Variants in ATF7IP observed in about 807,000 individuals in gnomAD.
ATF7IP encodes the protein activating transcription factor 7 interacting protein.
A neutral mutation model predicts 106.4 loss-of-function variants in ATF7IP; 23 were observed. The ratio of observed to expected loss-of-function variants is 0.22; its 90% confidence interval spans 0.16 to 0.31. The LOEUF (loss-of-function observed/expected upper bound fraction) is 0.31. Ranked by LOEUF, ATF7IP falls within the 10% of genes least tolerant of loss-of-function variation. The pLI, the probability that ATF7IP is intolerant of heterozygous loss-of-function variation, is 1.00. For missense variants in ATF7IP, 1,334 were observed against 1,524.3 expected, an observed-to-expected ratio of 0.88 and a Z score of 2.08; for synonymous variants, 542 against 539.0, an observed-to-expected ratio of 1.01 and a Z score of -0.08.
rs774944873 is a variant in ATF7IP at position 14,424,579 on chromosome 12, G to T, written c.664G>T (p.Gly222Cys). 2.4e-5 allele frequency: 38 copies of T among 1,613,972 alleles called. No individual in the cohort carries two copies. The highest frequency in any genetic ancestry group is 3.1e-5 in the Non-Finnish European group (37 of 1,180,028). Reference sequence around the variant, plus strand: ...ACCGGTCCCTGTTGAACCCATTTCTGGTGATTGTGCCGCTGATGATATAGC... The same window carrying T: ...ACCGGTCCCTGTTGAACCCATTTCTTGTGATTGTGCCGCTGATGATATAGC... ...GEPVPVEPIS[G>C]DCAADDIASS... Residue 222 changes from glycine to cysteine, a missense_variant, in exon 2 of 15, where the codon GGT becomes TGT. This residue lies in a region of ATF7IP where 438 missense variants were observed against 405.3 expected (regional missense o/e 1.08). Coordinates refer to ENST00000261168, the MANE Select transcript of ATF7IP (RefSeq NM_018179.5).
chr12:14,481,279 A>T (rs1446931389), intron 13 of ATF7IP, 94 bp downstream of exon 13: 6 of 1,150,372 alleles, frequency 5.2e-6, no homozygotes, highest in African/African-American at 1.5e-5. Context: ...ATTTTGCAAA[A>T]ATTTCTTATA....
In ATF7IP at chr12:14,374,578, A is replaced by C. The variant is rs112241639; in HGVS notation, c.-8+8751A>C. ...CAATATATATTTTTGTAGGGTACAG[A>C]AAGTGGTGAGAGTGTTGGAAGGAGA... On this transcript the variant is annotated intron_variant, in intron 1 of 14. Transcript: ENST00000261168. Among the ~76,000 whole-genome samples, 1,464 of 152,306 alleles carry C rather than the reference A, an allele frequency of 9.6e-3. 5 individuals carry two copies. The highest frequency in any genetic ancestry group is 0.019 in the African/African-American group (784 of 41,562).
At chr12:14,388,293 G>GC (rs1939355569) in intron 1 of ATF7IP, among the ~76,000 whole-genome samples, 1 of 151,330 alleles carries the variant, frequency 6.6e-6, no homozygotes, top group South Asian at 2.1e-4. Flanking sequence ...CAGGTGATCT[G>GC]CCCGCCTTGG....
At position 14,466,578 on chromosome 12, in the gene ATF7IP, T is replaced by C; in HGVS notation, c.2850T>C (p.Asp950=). 1.2e-6 allele frequency: 2 copies of C among 1,604,546 alleles called. No individual in the cohort carries two copies. The highest frequency in any genetic ancestry group is 1.7e-6 in the Non-Finnish European group (2 of 1,176,694). Residue 950 remains aspartate (D), a synonymous_variant, in exon 10 of 15, where the codon GAT becomes GAC. Coordinates refer to ENST00000261168, the MANE Select transcript of ATF7IP (RefSeq NM_018179.5). ...CTTCTGTCAGTAAGAAAGCAGCTGA[T>C]AGCACATCACAGGTAAGATTTTTCC... ...IDASVSKKAA[D]STSQCGKATG... is the part of the protein sequence containing the mutation.
At chr12:14,437,647 A>C (rs1942465933) in intron 4 of ATF7IP, among the ~76,000 whole-genome samples, 1 of 152,204 alleles carries the variant, frequency 6.6e-6, no homozygotes, top group South Asian at 2.1e-4. Flanking sequence ...ACCCTCTTGA[A>C]GTAGATTTTA....
chr12:14,434,265 TA>T (rs1565508430), intron 2 of ATF7IP, 71 bp from the exon 3 acceptor site: 1 of 972,574 alleles, frequency 1.0e-6, no homozygotes, highest in Non-Finnish European at 1.6e-6. Flanking sequence ...GGATAGTGAC[TA>T]AAAATGTAAA....
At chr12:14,419,890 A>C (rs1466456341) in intron 1 of ATF7IP, 1 of 152,170 alleles carries the variant, frequency 6.6e-6, no homozygotes, top group African/African-American at 2.4e-5. Context: ...TAGAATAAGA[A>C]ATATGTTCTA....
Position 14,501,157 on chromosome 12 carries a change from C to T in ATF7IP, c.*3084C>T, listed in dbSNP as rs1406445441. 2 of 152,164 alleles carry T rather than the reference C, an allele frequency of 1.3e-5. No homozygotes were observed. 9.4% of individuals were successfully genotyped at this position (152,164 alleles called of 1,614,324 possible). A position where few individuals can be genotyped will look rare whatever the true frequency, so the allele number is the denominator to read the frequency against. On this transcript the variant is annotated 3_prime_UTR_variant, in exon 15 of 15. Transcript: ENST00000261168. ...AGTAGAAGTAGCTACTGATAACAGA[C>T]TTTCTAGTAGCAGTTTCCACTCCAC...
chr12:14,494,323 A>ATGTGTG (rs1204607449), intron 13 of ATF7IP, among the ~76,000 whole-genome samples: 3 of 86,888 alleles, frequency 3.5e-5, no homozygotes, highest in Admixed American at 2.5e-4. Context: ...ATATATATAT[A>ATGTGTG]TATATATATA....
intron 1 of ATF7IP, among the ~76,000 whole-genome samples, chr12:14,368,126 TATTC>T (rs1414546835): frequency 6.6e-6 from 1 of 152,106 alleles, no homozygotes; most frequent in African/African-American, 2.4e-5. Flanking sequence ...TTTTTAAACT[TATTC>T]ATTATAGAAC....
intron 1 of ATF7IP, among the ~76,000 whole-genome samples, chr12:14,370,135 C>T (rs143088611): frequency 0.02 from 3,083 of 152,168 alleles, 34 homozygotes; most frequent in Middle Eastern, 0.031. Flanking sequence ...CGAGGTTTCT[C>T]CATATTGGTC....
intron 13 of ATF7IP, among the ~76,000 whole-genome samples, chr12:14,483,122 A>G (rs1312820187): frequency 6.6e-6 from 1 of 152,192 alleles, no homozygotes; most frequent in African/African-American, 2.4e-5. Flanking sequence ...ATTGATGACT[A>G]CCTTCTTCTA....
intron 11 of ATF7IP, among the ~76,000 whole-genome samples, chr12:14,477,383 A>G (rs74068608): frequency 0.02 from 3,067 of 152,222 alleles, 101 homozygotes; most frequent in African/African-American, 0.07. Context: ...AATTATCTCT[A>G]TTGCTTTCAC....
chr12:14,476,632 G>T (rs563192286), intron 11 of ATF7IP, among the ~76,000 whole-genome samples: 50 of 152,118 alleles, frequency 3.3e-4, no homozygotes, highest in Non-Finnish European at 6.0e-4. Flanking sequence ...CTCAGTAAGG[G>T]TCTTGGGAGT....
intron 13 of ATF7IP, among the ~76,000 whole-genome samples, chr12:14,490,603 G>A (rs1048167210): frequency 1.9e-4 from 29 of 152,118 alleles, no homozygotes; most frequent in African/African-American, 5.3e-4. Flanking sequence ...GTACTTGCCG[G>A]TGGTGCCTGC....
chr12:14,417,689 T>A (rs1348276415), intron 1 of ATF7IP, among the ~76,000 whole-genome samples: 2 of 152,180 alleles, frequency 1.3e-5, no homozygotes, highest in East Asian at 3.8e-4. Context: ...GCAAATAGCA[T>A]AAAAGATGTA....
chr12:14,456,963 G>A (rs1423935072), intron 7 of ATF7IP, among the ~76,000 whole-genome samples: 1 of 152,188 alleles, frequency 6.6e-6, no homozygotes, highest in South Asian at 2.1e-4. Context: ...TTGGTATTCA[G>A]GTTAAGTACT....
At chr12:14,425,580 A>C (rs1941799601) in intron 2 of ATF7IP, 107 bp downstream of exon 2, 1 of 1,168,148 alleles carries the variant, frequency 8.6e-7, no homozygotes, top group Non-Finnish European at 1.2e-6. Context: ...GAGAAAGTTG[A>C]GAATGGTGAT....
At chr12:14,441,849 G>A (rs1942726962) in intron 5 of ATF7IP, among the ~76,000 whole-genome samples, 1 of 152,058 alleles carries the variant, frequency 6.6e-6, no homozygotes, top group African/African-American at 2.4e-5. Context: ...ATACATGATT[G>A]CAAATATTTT....
Sources: allele counts gnomAD v4.1 joint callset (sites outside exome capture counted in the v4.1 genomes callset), GRCh38; gene constraint gnomAD v4.1.1; regional missense constraint gnomAD v4.1.1; transcripts MANE v1.5; gene names NCBI Gene and HGNC (gene_info 2026-07-23, HGNC 2026-07-21).